The following NEMP2 variants were observed in gnomAD, a reference collection of about 807,000 sequenced individuals.
The protein encoded by NEMP2 is nuclear envelope integral membrane protein 2, also known as UPF0571 transmembrane protein.
In NEMP2, 53 loss-of-function variants were observed where a neutral mutation model predicts 54.2. That is an observed-to-expected ratio of 0.98 (90% CI 0.78 to 1.23). The LOEUF is 1.23. Among genes scored for constraint, NEMP2 ranks in the 50% most tolerant of loss-of-function variants. The pLI, the probability that NEMP2 is intolerant of heterozygous loss-of-function variation, is 0.00. For synonymous variants in NEMP2, 197 were observed against 190.3 expected (o/e 1.04, Z -0.29); for missense variants, 455 against 511.3 (o/e 0.89, Z 1.06).
the NEMP2 span, among the ~76,000 whole-genome samples, chr2:190,622,906 T>C: frequency 6.6e-6 from 1 of 152,040 alleles, no homozygotes; most frequent in Non-Finnish European, 1.5e-5. Flanking sequence ...AATTATAATG[T>C]TTGCAAACAA....
the NEMP2 span, among the ~76,000 whole-genome samples, chr2:190,547,560 C>G: frequency 1.3e-5 from 2 of 152,196 alleles, no homozygotes; most frequent in Admixed American, 6.5e-5. The surrounding 1 kb of genome is among the most constrained non-coding windows in gnomAD (Gnocchi z 6.2). Context: ...GAGTTTTGCT[C>G]TGTCACCCAG....
chr2:190,555,660 T>C, the NEMP2 span, among the ~76,000 whole-genome samples: 2 of 152,006 alleles, frequency 1.3e-5, no homozygotes, highest in South Asian at 4.1e-4. The surrounding 1 kb of genome is among the most constrained non-coding windows in gnomAD (Gnocchi z 4.8). Context: ...CCAAGAAATA[T>C]GGGACTTTGT....
At chr2:190,477,218 A>G in the NEMP2 span, 286,424 of 962,048 alleles carry the variant, frequency 0.3, 45,022 homozygotes, top group South Asian at 0.34. Context: ...AATAATAACA[A>G]TGCATTAAAC....
chr2:190,552,901 A>G, the NEMP2 span, among the ~76,000 whole-genome samples: 1 of 152,116 alleles, frequency 6.6e-6, no homozygotes, highest in Non-Finnish European at 1.5e-5. Flanking sequence ...TTTTCAGTCT[A>G]CTGCTGGTAT....
the NEMP2 span, among the ~76,000 whole-genome samples, chr2:190,479,062 A>T: frequency 2.6e-5 from 4 of 152,198 alleles, no homozygotes; most frequent in South Asian, 4.1e-4. Flanking sequence ...CAGTTTCTTG[A>T]TTGTCCTCTC....
At chr2:190,611,588 G>A in the NEMP2 span, among the ~76,000 whole-genome samples, 22 of 152,250 alleles carry the variant, frequency 1.4e-4, no homozygotes, top group Admixed American at 1.4e-3. This position sits in a 1 kb window ranked among gnomAD's most constrained non-coding sequence, Gnocchi z 5.4. Context: ...TGGCCAATAT[G>A]TTTACACACA....
rs1690756620 is a variant in NEMP2, at chr2:190,521,730, CAATT to C, written c.214-2551_214-2548del. 6.6e-6 allele frequency among the ~76,000 whole-genome samples: 1 copy of C among 152,182 alleles called. No individual in the cohort carries two copies. Among genetic ancestry groups the C allele is most frequent in the South Asian group, 2.1e-4 (1 of 4,832 alleles). ...CTTCCATGTTGCTAACTCAAATGCC[CAATT>C]AATTCTCAGTCATCTTATTTGACCT... On this transcript the variant is annotated intron_variant, in intron 2 of 8. Transcript: ENST00000409150. This position sits in a 1 kb window ranked among gnomAD's most constrained non-coding sequence, Gnocchi z 6.2.
chr2:190,567,108 A>G, the NEMP2 span, among the ~76,000 whole-genome samples: 2 of 152,200 alleles, frequency 1.3e-5, no homozygotes, highest in Non-Finnish European at 2.9e-5. The surrounding 1 kb of genome is among the most constrained non-coding windows in gnomAD (Gnocchi z 4.0). Flanking sequence ...TGAGATTTGT[A>G]TCTATAAAAT....
chr2:190,485,736 C>T, the NEMP2 span, among the ~76,000 whole-genome samples: 32 of 151,502 alleles, frequency 2.1e-4, no homozygotes, highest in Admixed American at 6.6e-4. The surrounding 1 kb of genome is among the most constrained non-coding windows in gnomAD (Gnocchi z 5.1). Flanking sequence ...AAAGCAAACA[C>T]GTTATTTGAC....
chr2:190,457,312 G>A, the NEMP2 span, among the ~76,000 whole-genome samples: 1 of 152,202 alleles, frequency 6.6e-6, no homozygotes, highest in Non-Finnish European at 1.5e-5. This position sits in a 1 kb window ranked among gnomAD's most constrained non-coding sequence, Gnocchi z 5.1. Flanking sequence ...GGATGCTATG[G>A]CTCCTTTCAG....
At chr2:190,577,167 T>C in the NEMP2 span, among the ~76,000 whole-genome samples, 1 of 152,188 alleles carries the variant, frequency 6.6e-6, no homozygotes, top group Non-Finnish European at 1.5e-5. The surrounding 1 kb of genome is among the most constrained non-coding windows in gnomAD (Gnocchi z 4.8). Flanking sequence ...AAAGGTGTAT[T>C]GGAGCCAGAT....
At chr2:190,441,218 T>C in the NEMP2 span, among the ~76,000 whole-genome samples, 1 of 152,106 alleles carries the variant, frequency 6.6e-6, no homozygotes. Context: ...CTGATTTCTG[T>C]AGGCTATGTT....
At chr2:190,632,098 A>G in the NEMP2 span, among the ~76,000 whole-genome samples, 1 of 152,120 alleles carries the variant, frequency 6.6e-6, no homozygotes, top group African/African-American at 2.4e-5. The surrounding 1 kb of genome is among the most constrained non-coding windows in gnomAD (Gnocchi z 4.8). Context: ...AAAAGACACT[A>G]TGGTCTTACT....
the NEMP2 span, among the ~76,000 whole-genome samples, chr2:190,475,756 G>C: frequency 2.0e-5 from 3 of 151,958 alleles, no homozygotes; most frequent in Non-Finnish European, 4.4e-5. Flanking sequence ...ATTGCCAAGT[G>C]AATCCTAAGC....
At chr2:190,643,381 T>C in the NEMP2 span, among the ~76,000 whole-genome samples, 2 of 152,346 alleles carry the variant, frequency 1.3e-5, no homozygotes, top group African/African-American at 2.4e-5. Context: ...GAAACACTTG[T>C]GTCAGTGTTT....
the NEMP2 span, among the ~76,000 whole-genome samples, chr2:190,580,925 T>C: frequency 6.6e-6 from 1 of 152,220 alleles, no homozygotes; most frequent in South Asian, 2.1e-4. The surrounding 1 kb of genome is among the most constrained non-coding windows in gnomAD (Gnocchi z 5.3). Context: ...TTGTTAACCA[T>C]TCTCCAAACG....
chr2:190,517,176 G>T (rs552400034), intron 5 of NEMP2, among the ~76,000 whole-genome samples: 14 of 150,386 alleles, frequency 9.3e-5, no homozygotes, highest in African/African-American at 3.4e-4. Context: ...TGTTATTCAA[G>T]GCCCCAATGG....
the NEMP2 span, among the ~76,000 whole-genome samples, chr2:190,551,526 T>G: frequency 6.6e-6 from 1 of 152,144 alleles, no homozygotes; most frequent in South Asian, 2.1e-4. Context: ...CCACCTCAAT[T>G]CTGAGTTTTT....
Position 190,525,218 on chromosome 2 carries a change from G to C in NEMP2, c.213+45C>G. The C allele has an allele frequency of 9.5e-7, 1 of 1,051,684 alleles. No homozygotes were observed. Among genetic ancestry groups the C allele is most frequent in the South Asian group, 1.4e-5 (1 of 70,736 alleles). The allele number at this position is 1,051,684 out of a possible 1,614,324, so 65.1% of individuals were successfully genotyped here. The stretch of plus-strand genomic sequence containing the variant: ...GGTACATTTCCTGTCCCCAGGACAT[G>C]GTAATTCTCTGTCCCTAAGACATGA... On this transcript the variant is annotated intron_variant, in intron 2 of 8. Transcript: ENST00000409150. This position sits in a 1 kb window ranked among gnomAD's most constrained non-coding sequence, Gnocchi z 5.0.
Sources: allele counts gnomAD v4.1 joint callset (sites outside exome capture counted in the v4.1 genomes callset), GRCh38; gene constraint gnomAD v4.1.1; non-coding constraint Gnocchi (gnomAD v3.1); transcripts MANE v1.5; gene names NCBI Gene and HGNC (gene_info 2026-07-23, HGNC 2026-07-21).